The following SERINC5 variants were observed in gnomAD, a reference collection of about 807,000 sequenced individuals.
SERINC5 encodes chromosome 5 open reading frame 12.
Under a neutral mutation model 63.1 loss-of-function variants are expected in SERINC5, and 41 were observed. The ratio of observed to expected loss-of-function variants is 0.65; its 90% CI spans 0.51 to 0.84. SERINC5 has a LOEUF of 0.84. Among genes scored for constraint, SERINC5 ranks in the 40% least tolerant of loss-of-function variants. The pLI is 0.00. For missense variants in SERINC5, 523 were observed against 573.0 expected (o/e 0.91, Z 0.89); for synonymous variants, 222 against 215.2 (o/e 1.03, Z -0.28).
chr5:80,116,209 T>C (rs952041679), intron 11 of SERINC5: 4 of 438,300 alleles, frequency 9.1e-6, no homozygotes, highest in African/African-American at 6.1e-5. Flanking sequence ...TATTCAATCA[T>C]CTTTTCAATG....
chr5:80,184,452 C>T (rs544316766), intron 2 of SERINC5, among the ~76,000 whole-genome samples: 2 of 152,328 alleles, frequency 1.3e-5, no homozygotes, highest in East Asian at 1.9e-4. Flanking sequence ...AACAAATCCC[C>T]TCCCTTGTTT....
chr5:80,113,035 C>T lies in SERINC5; in HGVS notation c.*29+537G>A, dbSNP rs562303279. Among the ~76,000 whole-genome samples the T allele has an allele frequency of 2.6e-5, 4 of 152,262 alleles. No homozygotes were observed. The East Asian group carries it at 7.7e-4, about 29-fold the overall frequency. On this transcript the variant is annotated intron_variant, in intron 12 of 12. Transcript: ENST00000509193. ...GGATATTTTTATTGTTTACTTAATG[C>T]TTGCCCTATTTGGGGCCATTGAAGT...
rs73128064 is a variant in SERINC5 at position 80,178,155 on chromosome 5, T to C, written c.196-91A>G. ...TCATGCAGCCAACCACAACATCCAC[T>C]GTGGAAATGGATCGTGTGCATAAAG... On this transcript the variant is annotated intron_variant, in intron 2 of 11. Coordinates refer to ENST00000507668, the MANE Select transcript of SERINC5 (RefSeq NM_001174072.3). 2.6e-3 allele frequency: 1,820 copies of C among 701,556 alleles called. 22 individuals are homozygous for C. In the African/African-American group the frequency reaches 0.03, roughly 12 times the overall value. The allele number at this position is 701,556 out of a possible 1,614,324, so 43.5% of individuals were successfully genotyped here.
chr5:80,143,697 GGA>G lies in SERINC5; in HGVS notation c.1350_1351del (p.Cys453LeufsTer29), dbSNP rs1158976174. On this transcript the variant is annotated frameshift_variant, in exon 12 of 12. Coordinates refer to ENST00000507668, the MANE Select transcript of SERINC5 (RefSeq NM_001174072.3). LOFTEE classifies it high-confidence loss of function. ...GAACTCCCGGGTGGGGCAGCAGAGG[GGA>G]GCGACCAGCGTACACAGGTACAACA... is the stretch of plus-strand genomic sequence containing the variant. 1 of 1,536,088 alleles carries G rather than the reference GGA, an allele frequency of 6.5e-7. No individual in the cohort carries two copies. Among genetic ancestry groups the G allele is most frequent in the Non-Finnish European group, 8.7e-7 (1 of 1,146,874 alleles).
intron 11 of SERINC5, among the ~76,000 whole-genome samples, chr5:80,130,504 C>A (rs1190973445): frequency 6.6e-6 from 1 of 152,198 alleles, no homozygotes; most frequent in Non-Finnish European, 1.5e-5. Context: ...AGGGCCCTAT[C>A]TGTAATTACA....
intron 7 of SERINC5, among the ~76,000 whole-genome samples, chr5:80,161,035 T>A (rs1746883104): frequency 8.5e-6 from 1 of 118,132 alleles, no homozygotes; most frequent in Admixed American, 8.0e-5. Context: ...TATACACACG[T>A]GTATATATAT....
At chr5:80,196,670 C>T (rs545788439) in intron 2 of SERINC5, among the ~76,000 whole-genome samples, 7 of 152,278 alleles carry the variant, frequency 4.6e-5, no homozygotes, top group Non-Finnish European at 8.8e-5. Context: ...AAATATGTTA[C>T]AGGTATATTT....
At chr5:80,178,096 A>G in intron 2 of SERINC5, 32 bp from the exon 3 acceptor site, 1 of 1,483,676 alleles carries the variant, frequency 6.7e-7, no homozygotes, top group Non-Finnish European at 9.2e-7. Flanking sequence ...GTCATCTGTT[A>G]CAACTGAGTG....
chr5:80,232,408 A>G (rs34315389), intron 1 of SERINC5, among the ~76,000 whole-genome samples: 50,315 of 139,238 alleles, frequency 0.36, 8,688 homozygotes, highest in Admixed American at 0.45. Context: ...TGTCTCAAAG[A>G]AAAAAAAAAA....
At chr5:80,251,276 TTAAATACATACATGCATACATACATACA>T in intron 1 of SERINC5, among the ~76,000 whole-genome samples, 1 of 139,054 alleles carries the variant, frequency 7.2e-6, no homozygotes, top group African/African-American at 2.8e-5. Context: ...GATCCCATCT[TTAAATACATACATGCATACATACATACA>T]TACATACATA....
chr5:80,140,618 G>A lies in SERINC5; in HGVS notation c.*3045C>T, dbSNP rs1277616861. The A allele has an allele frequency of 1.0e-6, 1 of 985,168 alleles. No homozygotes were observed. The allele number at this position is 985,168 out of a possible 1,614,324, so 61.0% of individuals were successfully genotyped here. A position where few individuals can be genotyped will look rare whatever the true frequency, so the allele number is the denominator to read the frequency against. ...AAACTAACCAATCAGTATTTAAAAA[G>A]CTAGACACAGTAAAGACGTGGTTGG... On this transcript the variant is annotated 3_prime_UTR_variant, in exon 12 of 12. Coordinates refer to ENST00000507668, the MANE Select transcript of SERINC5 (RefSeq NM_001174072.3).
intron 11 of SERINC5, among the ~76,000 whole-genome samples, chr5:80,133,015 T>G (rs1745007967): frequency 1.3e-5 from 2 of 151,692 alleles, no homozygotes; most frequent in Admixed American, 1.3e-4. Flanking sequence ...TGGTGGGAGG[T>G]GTCATGGTTG....
chr5:80,148,189 CTT>C (rs796769914), intron 9 of SERINC5, among the ~76,000 whole-genome samples: 14 of 102,314 alleles, frequency 1.4e-4, no homozygotes, highest in Admixed American at 2.2e-4. Flanking sequence ...ATTTTTTATT[CTT>C]TTTTTTTTTT....
chr5:80,113,441 T>A (rs1744204723), intron 12 of SERINC5: 1 of 155,476 alleles, frequency 6.4e-6, no homozygotes, highest in South Asian at 1.9e-4. Flanking sequence ...TCTGGACACA[T>A]CCTCAGTGCT....
At chr5:80,190,802 G>A (rs183082539) in intron 2 of SERINC5, among the ~76,000 whole-genome samples, 3 of 152,294 alleles carry the variant, frequency 2.0e-5, no homozygotes, top group East Asian at 1.9e-4. Flanking sequence ...CTGTTCCCCA[G>A]TTCTAGTGAT....
chr5:80,194,660 GCTAAGAT>G (rs1749394201), intron 2 of SERINC5, among the ~76,000 whole-genome samples: 1 of 152,190 alleles, frequency 6.6e-6, no homozygotes. Flanking sequence ...ATGTAACTAA[GCTAAGAT>G]CGCTGCTGAG....
At chr5:80,204,640 T>C (rs1270016574) in intron 1 of SERINC5, among the ~76,000 whole-genome samples, 2 of 152,160 alleles carry the variant, frequency 1.3e-5, no homozygotes, top group Admixed American at 6.5e-5. Flanking sequence ...ATCTGAAGTA[T>C]TATAATCGTG....
At chr5:80,213,302 A>G (rs1750521362) in intron 1 of SERINC5, among the ~76,000 whole-genome samples, 1 of 152,206 alleles carries the variant, frequency 6.6e-6, no homozygotes, top group Non-Finnish European at 1.5e-5. Flanking sequence ...TTAGTTAGCA[A>G]TAGTTAACAC....
intron 11 of SERINC5, among the ~76,000 whole-genome samples, chr5:80,116,833 CT>C (rs780853184): frequency 0.013 from 1,883 of 142,890 alleles, 16 homozygotes; most frequent in Non-Finnish European, 0.015. Flanking sequence ...CTGGAGAGCT[CT>C]TTTTTTTTTT....
Sources: gnomAD v4.1 joint callset for allele counts (sites outside exome capture counted in the v4.1 genomes callset) on GRCh38, gnomAD v4.1.1 for gene constraint, MANE v1.5 for transcripts, NCBI Gene and HGNC (gene_info 2026-07-23, HGNC 2026-07-21) for gene names.